Variants in SPPL2A observed in about 807,000 individuals in gnomAD.
SPPL2A encodes signal peptide peptidase like 2A.
SPPL2A carries 51 observed loss-of-function variants against 63.8 expected under a neutral mutation model. The observed-to-expected ratio is 0.80, with a 90% CI of 0.64 to 1.01. SPPL2A has a LOEUF of 1.01. Ranked by LOEUF, SPPL2A falls within the 50% of genes least tolerant of loss-of-function variation. The pLI, the probability that SPPL2A is intolerant of heterozygous loss-of-function variation, is 0.00. For synonymous variants in SPPL2A, 188 were observed against 205.8 expected, an observed-to-expected ratio of 0.91 and a Z score of 0.74; for missense variants, 553 against 622.7, an observed-to-expected ratio of 0.89 and a Z score of 1.19.
chr15:50,735,698 C>G (rs1446905170), intron 8 of SPPL2A, among the ~76,000 whole-genome samples: 3 of 152,102 alleles, frequency 2.0e-5, no homozygotes, highest in African/African-American at 7.2e-5. Context: ...GCCTCAGCCT[C>G]CCGAGTAGCT....
chr15:50,717,239 A>G (rs898276481), intron 14 of SPPL2A, among the ~76,000 whole-genome samples: 2 of 152,098 alleles, frequency 1.3e-5, no homozygotes, highest in African/African-American at 2.4e-5. Flanking sequence ...CAGTGGTGCA[A>G]TCATGGCCCA....
At chr15:50,738,106 T>C (rs576374319) in intron 6 of SPPL2A, among the ~76,000 whole-genome samples, 5 of 151,824 alleles carry the variant, frequency 3.3e-5, no homozygotes, top group Non-Finnish European at 7.4e-5. Context: ...ATCGCTTGAA[T>C]GCGAGAGGCA....
At chr15:50,728,675 A>ACT (rs775952894) in intron 10 of SPPL2A, among the ~76,000 whole-genome samples, 96 of 150,010 alleles carry the variant, frequency 6.4e-4, no homozygotes, top group Non-Finnish European at 1.1e-3. Flanking sequence ...ACGGAGTCTC[A>ACT]CTCTGTTGCC....
At chr15:50,746,608 G>A (rs1304065241) in intron 5 of SPPL2A, 1 of 147,196 alleles carries the variant, frequency 6.8e-6, no homozygotes, top group Non-Finnish European at 1.5e-5. Flanking sequence ...ATAGTGTGGT[G>A]TTTAGTGGTT....
At chr15:50,730,695 C>G (rs904816685) in intron 10 of SPPL2A, among the ~76,000 whole-genome samples, 5 of 152,008 alleles carry the variant, frequency 3.3e-5, no homozygotes, top group African/African-American at 1.2e-4. Flanking sequence ...ATATTGCCTA[C>G]AGTAAACATT....
chr15:50,742,554 T>A (rs2062830845), intron 5 of SPPL2A: 1 of 152,182 alleles, frequency 6.6e-6, no homozygotes, highest in South Asian at 2.1e-4. Context: ...TCTCTTTCCA[T>A]CCAACTGTCA....
In SPPL2A at chr15:50,702,968, C is replaced by T. The variant is rs2062486061; in HGVS notation, c.*4832G>A. On this transcript the variant is annotated 3_prime_UTR_variant, in exon 15 of 15. Coordinates refer to ENST00000261854, the MANE Select transcript of SPPL2A (RefSeq NM_032802.4). The stretch of plus-strand genomic sequence containing the variant: ...AGTATTACAGTAGAGGATCAAATTC[C>T]AAAAGGTTGAGTAATTTGATTCAGA... 1.3e-5 allele frequency: 2 copies of T among 151,932 alleles called. No individual in the cohort carries two copies. Among genetic ancestry groups the T allele is most frequent in the Non-Finnish European group, 2.9e-5 (2 of 68,012 alleles). 9.4% of individuals were successfully genotyped at this position (151,932 alleles called of 1,614,324 possible). A position where few individuals can be genotyped will look rare whatever the true frequency, so the allele number is the denominator to read the frequency against.
intron 6 of SPPL2A, 88 bp downstream of exon 6, chr15:50,739,592 G>T: frequency 1.0e-6 from 1 of 958,816 alleles, no homozygotes; most frequent in Non-Finnish European, 1.5e-6. Context: ...TTTCCAGGTA[G>T]AATGGCTTAA....
chr15:50,725,184 G>GT (rs368359163), intron 12 of SPPL2A, 37 bp downstream of exon 12: 24,790 of 850,900 alleles, frequency 0.029, no homozygotes, highest in Non-Finnish European at 0.033. Context: ...AATCATCAGT[G>GT]TTTTTTTTTT....
chr15:50,754,310 T>A (rs934343007), intron 1 of SPPL2A, among the ~76,000 whole-genome samples: 2 of 152,192 alleles, frequency 1.3e-5, no homozygotes, highest in African/African-American at 2.4e-5. Flanking sequence ...ACATTAGGGT[T>A]CATTCTTGGT....
chr15:50,760,014 T>C (rs1393557761), intron 1 of SPPL2A, among the ~76,000 whole-genome samples: 10 of 152,232 alleles, frequency 6.6e-5, no homozygotes, highest in Admixed American at 5.2e-4. Context: ...AAAACAAAAA[T>C]TGTGAAGAAC....
chr15:50,748,935 T>C, intron 2 of SPPL2A, 65 bp from the exon 3 acceptor site: 2 of 974,388 alleles, frequency 2.1e-6, no homozygotes, highest in South Asian at 1.8e-5. Context: ...CATTCAGTTA[T>C]AAATACTGCC....
intron 1 of SPPL2A, among the ~76,000 whole-genome samples, chr15:50,763,390 T>C (rs1211558106): frequency 6.6e-6 from 1 of 152,188 alleles, no homozygotes; most frequent in Non-Finnish European, 1.5e-5. Flanking sequence ...AAATCAGTGA[T>C]ACTAGCTGGT....
chr15:50,715,864 C>A (rs2062595638), intron 14 of SPPL2A, among the ~76,000 whole-genome samples: 11 of 151,818 alleles, frequency 7.2e-5, no homozygotes, highest in Admixed American at 7.2e-4. Flanking sequence ...TCATTTTTGC[C>A]CAAATTTTTA....
chr15:50,709,632 A>G (rs2062541453), intron 14 of SPPL2A, among the ~76,000 whole-genome samples: 1 of 152,036 alleles, frequency 6.6e-6, no homozygotes, highest in African/African-American at 2.4e-5. Context: ...TCTACTAAAA[A>G]TACAAAAATT....
intron 14 of SPPL2A, among the ~76,000 whole-genome samples, chr15:50,719,427 G>A (rs905256839): frequency 3.9e-5 from 6 of 151,916 alleles, no homozygotes; most frequent in African/African-American, 1.5e-4. Flanking sequence ...TGTATTTTTA[G>A]TAGAGACGGG....
intron 10 of SPPL2A, among the ~76,000 whole-genome samples, chr15:50,728,603 C>T (rs1023360390): frequency 6.6e-6 from 1 of 150,806 alleles, no homozygotes; most frequent in Non-Finnish European, 1.5e-5. Context: ...ACCTTGGCCT[C>T]CCGAAGTGCT....
chr15:50,746,555 T>C (rs1362265535), intron 5 of SPPL2A, among the ~76,000 whole-genome samples: 2 of 151,990 alleles, frequency 1.3e-5, no homozygotes, highest in Non-Finnish European at 2.9e-5. Flanking sequence ...TATTTTACTG[T>C]TCCCTTACAG....
rs757094497 is a variant in SPPL2A, at chr15:50,736,647, C to T, written c.827G>A (p.Cys276Tyr). Reference protein sequence around the residue: ...ALIHKIPYGQCTIACRGKNME... With the variant: ...ALIHKIPYGQYTIACRGKNME... ...ATTTCCTGTAAGAGATACGTACGTG[C>T]ATTGTCCATATGGTATCTTATGAAT... The change falls in exon 7 of 15, where the codon TGC becomes TAC. Residue 276 changes from cysteine (C) to tyrosine (Y), a missense_variant. Physicochemically the swap from Cys to Tyr is radical, Grantham distance 194. Coordinates refer to ENST00000261854, the MANE Select transcript of SPPL2A (RefSeq NM_032802.4). 5 of 1,524,274 alleles carry T rather than the reference C, an allele frequency of 3.3e-6. No homozygotes were observed. The highest frequency in any genetic ancestry group is 4.5e-5 in the East Asian group (2 of 44,298). The allele number at this position is 1,524,274 out of a possible 1,614,324, so 94.4% of individuals were successfully genotyped here.
Sources: allele counts gnomAD v4.1 joint callset (sites outside exome capture counted in the v4.1 genomes callset), GRCh38; gene constraint gnomAD v4.1.1; transcripts MANE v1.5; gene names NCBI Gene and HGNC (gene_info 2026-07-23, HGNC 2026-07-21).